The following RAB10 variants were observed in gnomAD, a reference collection of about 807,000 sequenced individuals.
The protein encoded by RAB10 is ras-related protein Rab-10.
RAB10 carries 5 observed loss-of-function variants against 25.7 expected under a neutral mutation model. The observed-to-expected ratio is 0.19, with a 90% CI of 0.10 to 0.41. The LOEUF is 0.41. Ranked by LOEUF, RAB10 falls within the 10% of genes least tolerant of loss-of-function variation. The pLI is 1.00. For synonymous variants in RAB10, 89 were observed against 86.4 expected, an observed-to-expected ratio of 1.03 and a Z score of -0.16; for missense variants, 103 against 245.8, an observed-to-expected ratio of 0.42 and a Z score of 3.89.
At chr2:26,035,387 G>A (rs1665743806) in intron 1 of RAB10, among the ~76,000 whole-genome samples, 1 of 152,156 alleles carries the variant, frequency 6.6e-6, no homozygotes, top group Non-Finnish European at 1.5e-5. Context: ...CAAACCCAAC[G>A]GAGTGAAGTC....
chr2:26,079,419 CGTT>C (rs1366950003), intron 1 of RAB10, among the ~76,000 whole-genome samples: 11 of 151,638 alleles, frequency 7.3e-5, no homozygotes, highest in South Asian at 4.2e-4. Flanking sequence ...CTGGGTTTCT[CGTT>C]GTTGAAGAAA....
chr2:26,063,147 A>AT (rs1332862172), intron 1 of RAB10, among the ~76,000 whole-genome samples: 1 of 151,396 alleles, frequency 6.6e-6, no homozygotes, highest in Non-Finnish European at 1.5e-5. Flanking sequence ...GAATCTAGTT[A>AT]TTTTTAAAAT....
intron 1 of RAB10, among the ~76,000 whole-genome samples, chr2:26,092,300 TG>T (rs1559590815): frequency 0.014 from 1,937 of 136,218 alleles, 27 homozygotes; most frequent in South Asian, 0.023. Context: ...TGTGTGTGTG[TG>T]TGTGTGTGTG....
chr2:26,039,342 T>G (rs1665834059), intron 1 of RAB10, among the ~76,000 whole-genome samples: 1 of 150,930 alleles, frequency 6.6e-6, no homozygotes. Context: ...TTTTAAAAAG[T>G]AAAAAAATTT....
At chr2:26,051,813 T>G (rs1666140909) in intron 1 of RAB10, among the ~76,000 whole-genome samples, 1 of 148,574 alleles carries the variant, frequency 6.7e-6, no homozygotes, top group African/African-American at 2.5e-5. Context: ...ATCCCAGCAC[T>G]TTGGGAGGCT....
intron 5 of RAB10, among the ~76,000 whole-genome samples, chr2:26,130,138 GAAT>G (rs1667983583): frequency 6.6e-6 from 1 of 151,934 alleles, no homozygotes; most frequent in Admixed American, 6.6e-5. Context: ...TTTCTTTTTT[GAAT>G]TATAAAAACA....
intron 1 of RAB10, among the ~76,000 whole-genome samples, chr2:26,081,302 G>A (rs1006081580): frequency 1.3e-5 from 2 of 152,138 alleles, no homozygotes; most frequent in Admixed American, 6.5e-5. Flanking sequence ...TTCATAGTTT[G>A]TACTCCCTGA....
At chr2:26,044,401 CTG>C (rs1665952275) in intron 1 of RAB10, among the ~76,000 whole-genome samples, 1 of 152,120 alleles carries the variant, frequency 6.6e-6, no homozygotes, top group African/African-American at 2.4e-5. Context: ...TTTTTGTTGT[CTG>C]TATTTGCATA....
chr2:26,117,619 C>CAAAAAAAAAAA (rs71399361), intron 3 of RAB10, among the ~76,000 whole-genome samples: 1 of 34,396 alleles, frequency 2.9e-5, no homozygotes, highest in African/African-American at 1.5e-4. Flanking sequence ...GACTCCGTCT[C>CAAAAAAAAAAA]AAAAAAAAAA....
chr2:26,063,312 GA>G (rs1666448620), intron 1 of RAB10, among the ~76,000 whole-genome samples: 2 of 151,924 alleles, frequency 1.3e-5, no homozygotes, highest in African/African-American at 4.8e-5. Flanking sequence ...TTTTTATTTT[GA>G]AAAGTTTCAT....
At chr2:26,071,563 CTGTAATCCCAGCTACT>C (rs1403022110) in intron 1 of RAB10, among the ~76,000 whole-genome samples, 8 of 152,102 alleles carry the variant, frequency 5.3e-5, no homozygotes, top group African/African-American at 1.7e-4. Context: ...TGGTGGGCAC[CTGTAATCCCAGCTACT>C]TGGGAGACTG....
At chr2:26,050,783 G>A (rs1293931495) in intron 1 of RAB10, among the ~76,000 whole-genome samples, 1 of 151,654 alleles carries the variant, frequency 6.6e-6, no homozygotes, top group Non-Finnish European at 1.5e-5. Flanking sequence ...ACCACCACAC[G>A]TGGCTAATTT....
rs1048126127 is a variant in RAB10 at position 26,034,144 on chromosome 2, G to A, written c.-465G>A. 2.5e-6 allele frequency: 1 copy of A among 406,976 alleles called. No homozygotes were observed. The highest frequency in any genetic ancestry group is 2.1e-5 in the African/African-American group (1 of 48,698). 25.2% of individuals were successfully genotyped at this position (406,976 alleles called of 1,614,324 possible). ...CGGGGAAAAGGTGGCTCTGGCCGGG[G>A]TGGCTCGGTTTCCTGGGGCTATGTA... is the stretch of plus-strand genomic sequence containing the variant. On this transcript the variant is annotated 5_prime_UTR_variant, in exon 1 of 6. In the 5' UTR this introduces an upstream ATG that the reference lacks. Coordinates refer to ENST00000264710, the MANE Select transcript of RAB10 (RefSeq NM_016131.5).
Position 26,135,844 on chromosome 2 carries a change from G to T in RAB10, c.*823G>T, listed in dbSNP as rs1206055514. ...CCCAACCACCTCATGGTATATTTAA[G>T]AGTGAAAGGGACAAACTAGTAGGTT... On this transcript the variant is annotated 3_prime_UTR_variant, in exon 6 of 6. Coordinates refer to ENST00000264710, the MANE Select transcript of RAB10 (RefSeq NM_016131.5). The T allele has an allele frequency of 2.0e-5, 3 of 152,598 alleles. No homozygotes were observed. In the East Asian group the frequency reaches 5.8e-4, roughly 29 times the overall value. 9.5% of individuals were successfully genotyped at this position (152,598 alleles called of 1,614,324 possible).
intron 2 of RAB10, among the ~76,000 whole-genome samples, chr2:26,102,629 G>A (rs978048437): frequency 4.6e-5 from 7 of 151,936 alleles, no homozygotes; most frequent in Non-Finnish European, 7.4e-5. Context: ...TAGTAGAGAC[G>A]GGGTTTCACC....
At chr2:26,124,119 A>G (rs1246879279) in intron 3 of RAB10, among the ~76,000 whole-genome samples, 1 of 152,184 alleles carries the variant, frequency 6.6e-6, no homozygotes, top group Non-Finnish European at 1.5e-5. Flanking sequence ...GTAAGAATAC[A>G]GTATAGAATA....
chr2:26,123,801 AAAG>A (rs1667852085), intron 3 of RAB10, among the ~76,000 whole-genome samples: 1 of 152,230 alleles, frequency 6.6e-6, no homozygotes, highest in South Asian at 2.1e-4. Flanking sequence ...GCAAATGATG[AAAG>A]AAGGATTGGT....
At position 26,124,389 on chromosome 2, in the gene RAB10, C is replaced by CTTT. The variant is rs10669615; in HGVS notation, c.328-2729_328-2727dup. ...GTTGTTTTTCTTATTGTTGTTGTTG[C>CTTT]TTTTTTTTTTTTTTTTTTTTTTTTT... is the stretch of plus-strand genomic sequence containing the variant. On this transcript the variant is annotated intron_variant, in intron 3 of 5. Coordinates refer to ENST00000264710, the MANE Select transcript of RAB10 (RefSeq NM_016131.5). 4.1e-4 allele frequency among the ~76,000 whole-genome samples: 8 copies of CTTT among 19,672 alleles called. 1 individual carries two copies. Among genetic ancestry groups the CTTT allele is most frequent in the African/African-American group, 1.2e-3 (6 of 5,012 alleles). 12.9% of individuals were successfully genotyped at this position (19,672 alleles called of 152,430 possible). A position where few individuals can be genotyped will look rare whatever the true frequency, so the allele number is the denominator to read the frequency against.
chr2:26,077,602 G>C (rs1666765681), intron 1 of RAB10, among the ~76,000 whole-genome samples: 1 of 152,138 alleles, frequency 6.6e-6, no homozygotes, highest in South Asian at 2.1e-4. Context: ...TTATTAGAAT[G>C]ACTTTTGTTT....
Sources: gnomAD v4.1 joint callset for allele counts (sites outside exome capture counted in the v4.1 genomes callset) on GRCh38, gnomAD v4.1.1 for gene constraint, MANE v1.5 for transcripts, NCBI Gene and HGNC (gene_info 2026-07-23, HGNC 2026-07-21) for gene names.